COL25A1: variants seen among roughly 807,000 people sequenced by gnomAD.
COL25A1 encodes the protein collagen alpha-1(XXV) chain.
In COL25A1, 103 loss-of-function variants were observed where a neutral mutation model predicts 128.4. The ratio of observed to expected loss-of-function variants is 0.80; its 90% CI spans 0.68 to 0.94. COL25A1 has a LOEUF of 0.94. COL25A1 is among the 40% of genes least tolerant of loss of function. COL25A1 has a pLI of 0.00. For synonymous variants in COL25A1, 279 were observed against 277.2 expected, an observed-to-expected ratio of 1.01 and a Z score of -0.06; for missense variants, 745 against 840.0, an observed-to-expected ratio of 0.89 and a Z score of 1.40.
At chr4:109,207,236 C>A (rs1777080810) in intron 3 of COL25A1, among the ~76,000 whole-genome samples, 1 of 152,090 alleles carries the variant, frequency 6.6e-6, no homozygotes, top group Non-Finnish European at 1.5e-5. Context: ...AGGAGTGTGC[C>A]AGCTGCCTCT....
chr4:109,067,918 T>C (rs983780508), intron 3 of COL25A1, among the ~76,000 whole-genome samples: 2 of 152,342 alleles, frequency 1.3e-5, no homozygotes, highest in Admixed American at 6.5e-5. Context: ...GTCAATGAGA[T>C]AGTGACTTCA....
intron 8 of COL25A1, among the ~76,000 whole-genome samples, chr4:108,961,289 T>A (rs1440925647): frequency 1.3e-5 from 2 of 152,196 alleles, no homozygotes; most frequent in Non-Finnish European, 1.5e-5. Flanking sequence ...GATGTGTATA[T>A]AAAATATACC....
chr4:109,295,452 A>G (rs1424156222), intron 3 of COL25A1, among the ~76,000 whole-genome samples: 4 of 152,120 alleles, frequency 2.6e-5, no homozygotes, highest in Admixed American at 2.6e-4. Flanking sequence ...AATAAAATTT[A>G]TAGCATTTTA....
intron 3 of COL25A1, among the ~76,000 whole-genome samples, chr4:109,082,913 A>G (rs1286780302): frequency 6.6e-6 from 1 of 152,198 alleles, no homozygotes; most frequent in African/African-American, 2.4e-5. Flanking sequence ...GATATTTTGA[A>G]CAAAATAATG....
intron 3 of COL25A1, among the ~76,000 whole-genome samples, chr4:109,071,279 C>A (rs1383845795): frequency 6.6e-6 from 1 of 152,116 alleles, no homozygotes; most frequent in Non-Finnish European, 1.5e-5. Context: ...TTCCTTATAC[C>A]TTATACAAAA....
chr4:108,936,800 A>AAAATAT (rs1553973395), intron 11 of COL25A1, among the ~76,000 whole-genome samples: 1 of 134,728 alleles, frequency 7.4e-6, no homozygotes, highest in Non-Finnish European at 1.6e-5. Context: ...CTGTTTCTTA[A>AAAATAT]ATATATATAT....
At chr4:108,967,700 T>A (rs1420867548) in intron 8 of COL25A1, among the ~76,000 whole-genome samples, 1 of 152,182 alleles carries the variant, frequency 6.6e-6, no homozygotes, top group East Asian at 1.9e-4. Flanking sequence ...GGCTTAGAGA[T>A]GATGTATGCA....
chr4:109,157,395 T>G (rs1772137227), intron 3 of COL25A1, among the ~76,000 whole-genome samples: 1 of 152,164 alleles, frequency 6.6e-6, no homozygotes, highest in African/African-American at 2.4e-5. Flanking sequence ...AGATGACCTC[T>G]TCAGTACAGT....
chr4:109,051,620 TAC>T (rs61340199), intron 3 of COL25A1, among the ~76,000 whole-genome samples: 71,930 of 148,282 alleles, frequency 0.49, 18,760 homozygotes, highest in Non-Finnish European at 0.59. Context: ...CACACATACA[TAC>T]ACACACACAC....
At chr4:109,283,715 G>A (rs1236728294) in intron 3 of COL25A1, among the ~76,000 whole-genome samples, 1 of 152,208 alleles carries the variant, frequency 6.6e-6, no homozygotes, top group Non-Finnish European at 1.5e-5. Context: ...CCAACCCAGA[G>A]TATCTTCATT....
At chr4:108,953,437 C>T (rs895668441) in intron 8 of COL25A1, among the ~76,000 whole-genome samples, 7 of 152,106 alleles carry the variant, frequency 4.6e-5, no homozygotes, top group African/African-American at 9.7e-5. Flanking sequence ...CAATTTAGGA[C>T]GTTTGAACAT....
chr4:108,937,876 C>T, intron 10 of COL25A1, 33 bp from the exon 11 acceptor site: 1 of 1,557,658 alleles, frequency 6.4e-7, no homozygotes, highest in Non-Finnish European at 8.7e-7. Context: ...TTTAGTAACG[C>T]TGTAAGTATT....
intron 32 of COL25A1, among the ~76,000 whole-genome samples, chr4:108,830,953 T>C (rs1466659739): frequency 2.0e-5 from 3 of 152,272 alleles, no homozygotes; most frequent in African/African-American, 4.8e-5. Flanking sequence ...ATTGGTTTGA[T>C]CTTAGAAATA....
At chr4:109,250,115 G>T (rs1286725870) in intron 3 of COL25A1, among the ~76,000 whole-genome samples, 1 of 152,110 alleles carries the variant, frequency 6.6e-6, no homozygotes, top group Non-Finnish European at 1.5e-5. Context: ...ATGCTGGTAT[G>T]ATGAGCTCTT....
At chr4:109,283,956 C>T (rs1723623029) in intron 3 of COL25A1, among the ~76,000 whole-genome samples, 1 of 152,162 alleles carries the variant, frequency 6.6e-6, no homozygotes, top group African/African-American at 2.4e-5. Flanking sequence ...TGGGAAAAAA[C>T]AGTGTTCTAT....
At chr4:109,024,962 G>A (rs939869242) in intron 5 of COL25A1, among the ~76,000 whole-genome samples, 4 of 152,188 alleles carry the variant, frequency 2.6e-5, no homozygotes, top group Non-Finnish European at 5.9e-5. Context: ...AGCGAGAAGA[G>A]GTCATGACTC....
At chr4:109,145,069 T>A (rs1770795386) in intron 3 of COL25A1, among the ~76,000 whole-genome samples, 1 of 22,848 alleles carries the variant, frequency 4.4e-5, no homozygotes, top group South Asian at 2.0e-3. Context: ...AACCTCAGCT[T>A]TTTTTTTTTT....
At chr4:109,109,603 C>T (rs1428743208) in intron 3 of COL25A1, among the ~76,000 whole-genome samples, 4 of 152,206 alleles carry the variant, frequency 2.6e-5, no homozygotes, top group African/African-American at 7.2e-5. Flanking sequence ...ACTCTCCCCG[C>T]TATCCTCTGC....
In COL25A1 at chr4:108,979,813, G is replaced by A. The variant is rs1393129990; in HGVS notation, c.439-5254C>T. On this transcript the variant is annotated intron_variant, in intron 6 of 37. Coordinates refer to ENST00000399132, the MANE Select transcript of COL25A1 (RefSeq NM_198721.4). ...TACTCTGAGTCTGGAGGAGGGACAT[G>A]TAAATATAATCACAATCAGTGGACT... Among the ~76,000 whole-genome samples the A allele has an allele frequency of 4.6e-5, 7 of 152,330 alleles. No individual in the cohort carries two copies. In the East Asian group the frequency reaches 9.6e-4, roughly 21 times the overall value.
Sources: gnomAD v4.1 joint callset for allele counts (sites outside exome capture counted in the v4.1 genomes callset) on GRCh38, gnomAD v4.1.1 for gene constraint, MANE v1.5 for transcripts, NCBI Gene and HGNC (gene_info 2026-07-23, HGNC 2026-07-21) for gene names.